HTR1F: variants seen among roughly 807,000 people sequenced by gnomAD.
HTR1F encodes 5-hydroxytryptamine receptor 1F, also known as 5-hydroxytryptamine (serotonin) receptor 1F, G protein-coupled.
A neutral mutation model predicts 24.0 loss-of-function variants in HTR1F; 17 were observed. The observed-to-expected ratio is 0.71, with a 90% CI of 0.48 to 1.06. HTR1F has a LOEUF of 1.06. HTR1F is among the 50% of genes least tolerant of loss of function. The probability of loss-of-function intolerance (pLI) is 0.00; values close to 1 mark genes in which losing one functional copy is unlikely to be tolerated. For synonymous variants in HTR1F, 186 were observed against 156.8 expected, an observed-to-expected ratio of 1.19 and a Z score of -1.39; for missense variants, 391 against 427.8, an observed-to-expected ratio of 0.91 and a Z score of 0.76.
rs981772353 is a variant in HTR1F, at chr3:87,993,426, C to T, written c.*1576C>T. On this transcript the variant is annotated 3_prime_UTR_variant, in exon 3 of 3. Coordinates refer to ENST00000319595, the MANE Select transcript of HTR1F (RefSeq NM_001322209.2). The stretch of plus-strand genomic sequence containing the variant: ...TAAAACTATAATAGAAAAGAGCAAA[C>T]TAAAATCTGGCATGGAAGTTGTTTA... The T allele has an allele frequency of 6.0e-6, 1 of 166,618 alleles. No individual in the cohort carries two copies. Among genetic ancestry groups the T allele is most frequent in the Non-Finnish European group, 1.5e-5 (1 of 68,054 alleles). The allele number at this position is 166,618 out of a possible 1,614,324, so 10.3% of individuals were successfully genotyped here. A position where few individuals can be genotyped will look rare whatever the true frequency, so the allele number is the denominator to read the frequency against.
chr3:87,939,672 G>A (rs571143570), intron 2 of HTR1F, among the ~76,000 whole-genome samples: 18 of 151,682 alleles, frequency 1.2e-4, no homozygotes, highest in South Asian at 2.1e-4. Context: ...AGGTATTCTC[G>A]GATAGTAGTT....
chr3:87,940,687 A>T (rs1351768612), intron 2 of HTR1F, among the ~76,000 whole-genome samples: 1 of 152,202 alleles, frequency 6.6e-6, no homozygotes, highest in African/African-American at 2.4e-5. Flanking sequence ...GTAAGCAAAA[A>T]CAACAAAGCT....
chr3:87,847,698 C>T (rs1559603985), intron 2 of HTR1F, among the ~76,000 whole-genome samples: 2 of 151,760 alleles, frequency 1.3e-5, no homozygotes, highest in Admixed American at 6.6e-5. Context: ...CTCTTGCCCT[C>T]GCCCACCCTT....
intron 2 of HTR1F, among the ~76,000 whole-genome samples, chr3:87,953,823 G>T (rs1704886393): frequency 6.6e-6 from 1 of 151,672 alleles, no homozygotes; most frequent in African/African-American, 2.4e-5. Flanking sequence ...AGAAAATGTG[G>T]TAAATATACA....
chr3:87,865,311 T>C (rs984176422), intron 2 of HTR1F, among the ~76,000 whole-genome samples: 2 of 152,186 alleles, frequency 1.3e-5, no homozygotes, highest in Non-Finnish European at 2.9e-5. Context: ...AAAATATTTT[T>C]ATTGAAATTT....
At chr3:87,812,899 G>A (rs1248128191) in intron 1 of HTR1F, among the ~76,000 whole-genome samples, 4 of 152,244 alleles carry the variant, frequency 2.6e-5, no homozygotes, top group Non-Finnish European at 5.9e-5. Context: ...GGGTCTGCAT[G>A]TGCAGAGTCA....
intron 2 of HTR1F, among the ~76,000 whole-genome samples, chr3:87,977,403 T>C (rs1330447451): frequency 7.3e-6 from 1 of 137,126 alleles, no homozygotes; most frequent in Non-Finnish European, 1.6e-5. Flanking sequence ...CTTTTTTTTT[T>C]TTTTTTTTTT....
At chr3:87,919,916 C>A (rs1211979255) in intron 2 of HTR1F, among the ~76,000 whole-genome samples, 4 of 151,900 alleles carry the variant, frequency 2.6e-5, no homozygotes, top group Non-Finnish European at 5.9e-5. Flanking sequence ...AATACTCATA[C>A]ATGCATGTTT....
chr3:87,959,024 T>C (rs1262468584), intron 2 of HTR1F, among the ~76,000 whole-genome samples: 3 of 151,800 alleles, frequency 2.0e-5, no homozygotes, highest in Non-Finnish European at 4.4e-5. Context: ...AAATTAAATA[T>C]GTCTAAGTAT....
intron 2 of HTR1F, among the ~76,000 whole-genome samples, chr3:87,918,912 A>G (rs1361517966): frequency 1.3e-5 from 2 of 152,110 alleles, no homozygotes; most frequent in African/African-American, 2.4e-5. Flanking sequence ...GGGCCCGCAT[A>G]GCCAAAGGAA....
chr3:87,836,336 A>AT (rs1317226309), intron 2 of HTR1F, among the ~76,000 whole-genome samples: 1 of 151,976 alleles, frequency 6.6e-6, no homozygotes, highest in East Asian at 1.9e-4. Flanking sequence ...GAAAAAGGAT[A>AT]TTTTTTCTTT....
intron 2 of HTR1F, among the ~76,000 whole-genome samples, chr3:87,979,643 C>T (rs1171699529): frequency 1.3e-5 from 2 of 152,196 alleles, no homozygotes; most frequent in Non-Finnish European, 2.9e-5. Flanking sequence ...GAATTTTACT[C>T]GGCCCACTGG....
At chr3:87,958,017 G>T (rs1282899272) in intron 2 of HTR1F, among the ~76,000 whole-genome samples, 4 of 151,138 alleles carry the variant, frequency 2.6e-5, no homozygotes, top group African/African-American at 9.7e-5. Context: ...ATAAAAATAA[G>T]CTCTAAATCC....
chr3:87,948,488 C>T (rs56064333), intron 2 of HTR1F, among the ~76,000 whole-genome samples: 17,181 of 147,026 alleles, frequency 0.12, 1,217 homozygotes, highest in Middle Eastern at 0.17. Flanking sequence ...TTTTTATATG[C>T]TTTTTTTTTT....
intron 2 of HTR1F, among the ~76,000 whole-genome samples, chr3:87,834,264 T>A (rs1704639030): frequency 6.6e-6 from 1 of 152,178 alleles, no homozygotes; most frequent in Admixed American, 6.5e-5. Flanking sequence ...TATATACACA[T>A]AAGGTATGCA....
intron 2 of HTR1F, among the ~76,000 whole-genome samples, chr3:87,958,581 G>T (rs1704995430): frequency 6.6e-6 from 1 of 151,488 alleles, no homozygotes; most frequent in South Asian, 2.1e-4. Flanking sequence ...CTCCATTTTA[G>T]CCCTACAAGG....
At chr3:87,904,799 A>T (rs1350765573) in intron 2 of HTR1F, among the ~76,000 whole-genome samples, 3 of 152,076 alleles carry the variant, frequency 2.0e-5, no homozygotes, top group Non-Finnish European at 4.4e-5. Flanking sequence ...GCTAATCTAG[A>T]TTGATGGAAG....
chr3:87,850,252 T>C (rs1705052830), intron 2 of HTR1F, among the ~76,000 whole-genome samples: 1 of 151,868 alleles, frequency 6.6e-6, no homozygotes, highest in African/African-American at 2.4e-5. Context: ...ATGTGGCACA[T>C]ATACACCATG....
At chr3:87,944,214 G>C (rs867642753) in intron 2 of HTR1F, among the ~76,000 whole-genome samples, 1 of 152,254 alleles carries the variant, frequency 6.6e-6, no homozygotes, top group African/African-American at 2.4e-5. Context: ...CCTAGAGCTG[G>C]ACTGGGTTCC....
Sources: allele counts gnomAD v4.1 joint callset (sites outside exome capture counted in the v4.1 genomes callset), GRCh38; gene constraint gnomAD v4.1.1; transcripts MANE v1.5; gene names NCBI Gene and HGNC (gene_info 2026-07-23, HGNC 2026-07-21).